The following HOXB3 variants were observed in gnomAD, a reference collection of about 807,000 sequenced individuals.
HOXB3 encodes the protein homeobox protein Hox-B3.
A neutral mutation model predicts 29.2 loss-of-function variants in HOXB3; 17 were observed. The observed-to-expected ratio is 0.58, with a 90% CI of 0.40 to 0.87. HOXB3 has a LOEUF of 0.87. HOXB3 is among the 40% of genes least tolerant of loss of function. HOXB3 has a pLI of 0.00. For missense variants in HOXB3, 637 were observed against 616.3 expected (o/e 1.03, Z -0.35); for synonymous variants, 317 against 285.9 (o/e 1.11, Z -1.10).
intron 1 of HOXB3, chr17:48,578,818 C>G (rs1240436137): frequency 1.3e-5 from 2 of 155,536 alleles, no homozygotes; most frequent in Admixed American, 1.3e-4. Flanking sequence ...CGGGAGGGAG[C>G]GCTAGCACCC....
chr17:48,588,368 T>G (rs935525394), intron 1 of HOXB3, among the ~76,000 whole-genome samples: 6 of 152,192 alleles, frequency 3.9e-5, no homozygotes, highest in African/African-American at 1.4e-4. Flanking sequence ...ATATGCCTAG[T>G]AGATGTTAGA....
rs184139335 is a variant in HOXB3 at position 48,554,212 on chromosome 17, G to A, written c.-159+1319C>T. ...CTTCCAAGCAGCCCTGGCTGAAGGGGGAATTAATTAACAGGCATTAGTTGT... is the reference window on the plus strand; with the variant it reads ...CTTCCAAGCAGCCCTGGCTGAAGGGAGAATTAATTAACAGGCATTAGTTGT... On this transcript the variant is annotated intron_variant, in intron 3 of 4. Coordinates refer to ENST00000498678, the MANE Select transcript of HOXB3 (RefSeq NM_001384749.1). The surrounding 1 kb of genome is among the most constrained non-coding windows in gnomAD (Gnocchi z 4.1). 2.3e-3 allele frequency: 415 copies of A among 182,466 alleles called. 4 individuals carry two copies. Among genetic ancestry groups the A allele is most frequent in the African/African-American group, 9.6e-3 (402 of 41,978 alleles). 11.3% of individuals were successfully genotyped at this position (182,466 alleles called of 1,614,324 possible).
chr17:48,554,308 AT>A lies in HOXB3; in HGVS notation c.-159+1222del, dbSNP rs957447357. The A allele has an allele frequency of 3.5e-6, 1 of 286,244 alleles. No homozygotes were observed. The highest frequency in any genetic ancestry group is 2.2e-5 in the African/African-American group (1 of 46,114). 17.7% of individuals were successfully genotyped at this position (286,244 alleles called of 1,614,324 possible). A position where few individuals can be genotyped will look rare whatever the true frequency, so the allele number is the denominator to read the frequency against. On this transcript the variant is annotated intron_variant, in intron 3 of 4. Coordinates refer to ENST00000498678, the MANE Select transcript of HOXB3 (RefSeq NM_001384749.1). This position sits in a 1 kb window ranked among gnomAD's most constrained non-coding sequence, Gnocchi z 4.1. ...GGTTGGCTGGCTAGGCCCTGGCTTT[AT>A]TTAGTCTGATTGTTACAGCAATAAT...
intron 1 of HOXB3, chr17:48,578,253 A>T: frequency 6.2e-7 from 1 of 1,614,028 alleles, no homozygotes; most frequent in Non-Finnish European, 8.5e-7. Flanking sequence ...CTCTGTGAAT[A>T]TTCCTCGCAT....
intron 1 of HOXB3, among the ~76,000 whole-genome samples, chr17:48,577,392 C>T (rs950086795): frequency 3.9e-5 from 6 of 152,128 alleles, no homozygotes; most frequent in African/African-American, 1.4e-4. Flanking sequence ...TAGTTCCCAC[C>T]CTTGCTGCTC....
intron 1 of HOXB3, chr17:48,581,298 G>C (rs2069929697): frequency 6.6e-6 from 1 of 152,188 alleles, no homozygotes; most frequent in Non-Finnish European, 1.5e-5. Context: ...CATTCTCCCA[G>C]ACAGGCTGAA....
At chr17:48,565,632 G>A (rs949087949) in intron 2 of HOXB3, among the ~76,000 whole-genome samples, 19 of 152,246 alleles carry the variant, frequency 1.2e-4, no homozygotes, top group Admixed American at 1.2e-3. Flanking sequence ...TCACTTCTGG[G>A]CTCACCCATT....
intron 2 of HOXB3, among the ~76,000 whole-genome samples, chr17:48,568,400 T>C (rs2069461012): frequency 6.6e-6 from 1 of 152,216 alleles, no homozygotes; most frequent in African/African-American, 2.4e-5. Flanking sequence ...GATGCTGTAA[T>C]TTAAGACCTC....
intron 2 of HOXB3, among the ~76,000 whole-genome samples, chr17:48,561,552 A>G (rs968945763): frequency 6.6e-6 from 1 of 152,268 alleles, no homozygotes; most frequent in African/African-American, 2.4e-5. Flanking sequence ...ATGCCCACAG[A>G]GCTCCAGGAC....
chr17:48,569,338 G>T (rs2069505747), intron 2 of HOXB3, among the ~76,000 whole-genome samples: 1 of 151,948 alleles, frequency 6.6e-6, no homozygotes, highest in Non-Finnish European at 1.5e-5. Context: ...CAGTAGTGAG[G>T]TCTCCGTCTG....
rs1555634514 is a variant in HOXB3, at chr17:48,550,535, A to AG, written c.1094dup (p.Ala366CysfsTer56). On this transcript the variant is annotated frameshift_variant, in exon 5 of 5. Transcript: ENST00000498678. LOFTEE classifies it high-confidence loss of function. ...TGAGGCCATAGAGGGAGGGGCCGGCAGGGGGCGGCAGCGGATCCGCGTAGC... is the reference window on the plus strand; with the variant it reads ...TGAGGCCATAGAGGGAGGGGCCGGCAGGGGGGCGGCAGCGGATCCGCGTAGC... 1 of 1,534,906 alleles carries AG rather than the reference A, an allele frequency of 6.5e-7. No homozygotes were observed.
chr17:48,564,556 C>T (rs1283447977), intron 2 of HOXB3, among the ~76,000 whole-genome samples: 1 of 152,244 alleles, frequency 6.6e-6, no homozygotes, highest in Non-Finnish European at 1.5e-5. Context: ...CGCAGGGCTG[C>T]GGGAACCCCG....
At chr17:48,576,254 G>C (rs890676552) in intron 1 of HOXB3, 1 of 153,640 alleles carries the variant, frequency 6.5e-6, no homozygotes, top group Non-Finnish European at 1.5e-5. Context: ...CGGCCGAGCC[G>C]GGCCTCATTT....
chr17:48,552,566 G>T lies in HOXB3; in HGVS notation c.-92C>A. On this transcript the variant is annotated 5_prime_UTR_variant, in exon 4 of 5. Coordinates refer to ENST00000498678, the MANE Select transcript of HOXB3 (RefSeq NM_001384749.1). ...GGCAACCCTGGGGGTCACGTGACAC[G>T]CCGGACCCCCCCCCCCCACCTCCCC... 2.4e-6 allele frequency: 2 copies of T among 821,404 alleles called. No individual in the cohort carries two copies. Among genetic ancestry groups the T allele is most frequent in the African/African-American group, 2.0e-5 (1 of 49,094 alleles). The allele number at this position is 821,404 out of a possible 1,614,324, so 50.9% of individuals were successfully genotyped here. A position where few individuals can be genotyped will look rare whatever the true frequency, so the allele number is the denominator to read the frequency against.
chr17:48,552,448 G>A lies in HOXB3; in HGVS notation c.27C>T (p.Asn9=), dbSNP rs978222863. MQKATYYD[N]AAAALFGGYS... ...AGCCTCCGAAGAGAGCAGCCGCGGC[G>A]TTGTCGTAGTAGGTGGCTTTCTGCA... The change falls in exon 4 of 5, where the codon AAC becomes AAT. Residue 9 remains asparagine (N), a synonymous_variant. Coordinates refer to ENST00000498678, the MANE Select transcript of HOXB3 (RefSeq NM_001384749.1). 2 of 1,579,868 alleles carry A rather than the reference G, an allele frequency of 1.3e-6. No individual in the cohort carries two copies. Among genetic ancestry groups the A allele is most frequent in the Non-Finnish European group, 8.6e-7 (1 of 1,160,146 alleles).
intron 2 of HOXB3, among the ~76,000 whole-genome samples, chr17:48,558,362 G>T (rs959144125): frequency 6.6e-6 from 1 of 152,106 alleles, no homozygotes; most frequent in African/African-American, 2.4e-5. Context: ...GGGGCATAGT[G>T]GGGTGGGAGT....
intron 2 of HOXB3, among the ~76,000 whole-genome samples, chr17:48,564,650 G>A (rs574527354): frequency 1.3e-5 from 2 of 152,382 alleles, no homozygotes; most frequent in East Asian, 1.9e-4. Context: ...ACAGGGGCAC[G>A]GCGAGGCGTA....
intron 1 of HOXB3, among the ~76,000 whole-genome samples, chr17:48,583,662 A>T (rs1371723272): frequency 6.6e-6 from 1 of 152,212 alleles, no homozygotes; most frequent in South Asian, 2.1e-4. Context: ...TGGTCCTTCT[A>T]GCCCAGGACC....
intron 2 of HOXB3, among the ~76,000 whole-genome samples, chr17:48,571,678 C>T (rs893145282): frequency 6.6e-6 from 1 of 152,222 alleles, no homozygotes; most frequent in African/African-American, 2.4e-5. Context: ...AGGCCCACAA[C>T]TGGCTATCTG....
Sources: gnomAD v4.1 joint callset for allele counts (sites outside exome capture counted in the v4.1 genomes callset) on GRCh38, gnomAD v4.1.1 for gene constraint, Gnocchi (gnomAD v3.1) non-coding constraint, MANE v1.5 for transcripts, NCBI Gene and HGNC (gene_info 2026-07-23, HGNC 2026-07-21) for gene names.